Variants in HOXC4 observed in about 807,000 individuals in gnomAD.
HOXC4 encodes homeobox protein Hox-C4.
Under a neutral mutation model 25.5 loss-of-function variants are expected in HOXC4, and 15 were observed. That is an observed-to-expected ratio of 0.59 (90% CI 0.39 to 0.91). The LOEUF (loss-of-function observed/expected upper bound fraction) is 0.91, where lower values mean the gene tolerates loss of function less well. Ranked by LOEUF, HOXC4 falls within the 40% of genes least tolerant of loss-of-function variation. The pLI, the probability that HOXC4 is intolerant of heterozygous loss-of-function variation, is 0.00. For missense variants in HOXC4, 342 were observed against 352.4 expected, an observed-to-expected ratio of 0.97 and a Z score of 0.24; for synonymous variants, 165 against 148.0, an observed-to-expected ratio of 1.11 and a Z score of -0.83.
intron 1 of HOXC4, among the ~76,000 whole-genome samples, chr12:54,041,420 A>G (rs1190210897): frequency 6.6e-6 from 1 of 152,210 alleles, no homozygotes; most frequent in Non-Finnish European, 1.5e-5. Context: ...GCTAAGGGGC[A>G]GGAGTTCTGA....
chr12:54,023,235 G>A lies in HOXC4; in HGVS notation c.-124+5821G>A, dbSNP rs531472033. 7.2e-5 allele frequency among the ~76,000 whole-genome samples: 11 copies of A among 152,332 alleles called. No homozygotes were observed. The South Asian group carries it at 2.3e-3, about 32-fold the overall frequency. ...TTTTTTCCAGATGGAGCTGGAAGGG[G>A]GCTCAGGGCTGAGCGTGATGGGGTA... is the stretch of plus-strand genomic sequence containing the variant. On this transcript the variant is annotated intron_variant, in intron 1 of 3. Coordinates refer to the HOXC4 transcript ENST00000303406.
rs1417783972 is a variant in HOXC4 at position 54,054,263 on chromosome 12, C to T, written c.341C>T (p.Pro114Leu). The T allele has an allele frequency of 6.2e-7, 1 of 1,610,472 alleles. No individual in the cohort carries two copies. The highest frequency in any genetic ancestry group is 1.3e-5 in the African/African-American group (1 of 74,924). ...GCCTCCGCCTCCCCGTCCCCAGCCC[C>T]GCCAGCCTGCAGCCAGCCAGCCCCC... The part of the protein sequence containing the change: ...SGASASPSPA[P>L]PACSQPAPDH... Residue 114 changes from proline to leucine, a missense_variant, in exon 1 of 2, where the codon CCG becomes CTG. Pro to Leu is a moderately conservative substitution (Grantham distance 98). Transcript: ENST00000430889.
At chr12:54,039,232 G>C (rs1034943461) in intron 1 of HOXC4, among the ~76,000 whole-genome samples, 1 of 152,148 alleles carries the variant, frequency 6.6e-6, no homozygotes, top group Admixed American at 6.5e-5. Context: ...GGGGAGCAGC[G>C]GTGTCTGGGC....
chr12:54,030,007 C>G (rs1272554248), intron 1 of HOXC4: 3 of 1,437,268 alleles, frequency 2.1e-6, no homozygotes, highest in Non-Finnish European at 2.8e-6. Context: ...TCCCTCGCTC[C>G]CCACCAACTC....
Position 54,041,972 on chromosome 12 carries a change from C to A in HOXC4, c.-123-11188C>A, listed in dbSNP as rs899327550. On this transcript the variant is annotated intron_variant, in intron 1 of 3. Coordinates refer to the HOXC4 transcript ENST00000303406. The stretch of plus-strand genomic sequence containing the variant: ...ACCACCGCGCCCAGCCTTTTCTTTT[C>A]TTTTCTTTTTTTTTTTTTTTTTTGA... Among the ~76,000 whole-genome samples the A allele has an allele frequency of 1.6e-4, 21 of 133,638 alleles. No homozygotes were observed. In the East Asian group the frequency reaches 4.5e-3, roughly 29 times the overall value. The allele number at this position is 133,638 out of a possible 152,430, so 87.7% of individuals were successfully genotyped here. A position where few individuals can be genotyped will look rare whatever the true frequency, so the allele number is the denominator to read the frequency against.
intron 1 of HOXC4, among the ~76,000 whole-genome samples, chr12:54,025,541 G>C (rs200707782): frequency 8.9e-6 from 1 of 112,110 alleles, no homozygotes; most frequent in African/African-American, 3.1e-5. Context: ...GGGGGGGGAG[G>C]TGTTGAAAAT....
intron 1 of HOXC4, among the ~76,000 whole-genome samples, chr12:54,024,629 G>T (rs559588330): frequency 6.6e-6 from 1 of 152,164 alleles, no homozygotes; most frequent in Non-Finnish European, 1.5e-5. Flanking sequence ...GCAAGGTGAG[G>T]CCTGCCCACG....
At chr12:54,043,564 T>G (rs1483220768) in intron 1 of HOXC4, among the ~76,000 whole-genome samples, 2 of 152,150 alleles carry the variant, frequency 1.3e-5, no homozygotes, top group Non-Finnish European at 2.9e-5. Flanking sequence ...CAGCCCAGCT[T>G]GGAAACCATT....
intron 1 of HOXC4, among the ~76,000 whole-genome samples, chr12:54,026,131 G>A (rs1940687096): frequency 6.6e-6 from 1 of 152,088 alleles, no homozygotes; most frequent in Non-Finnish European, 1.5e-5. Context: ...TGGAGGGGGG[G>A]ACAGAGTTAC....
At position 54,047,445 on chromosome 12, in the gene HOXC4, C is replaced by G. The variant is rs1011665428; in HGVS notation, c.-123-5715C>G. Among the ~76,000 whole-genome samples, 3 of 152,206 alleles carry G rather than the reference C, an allele frequency of 2.0e-5. No individual in the cohort carries two copies. The South Asian group carries it at 6.2e-4, about 31-fold the overall frequency. On this transcript the variant is annotated intron_variant, in intron 1 of 3. Coordinates refer to the HOXC4 transcript ENST00000303406. The stretch of plus-strand genomic sequence containing the variant: ...GCCGAAGCCCGCCCCGGACCCAGGC[C>G]GCGAGGTGCGCGCCGGCCGCCGAGG...
chr12:54,054,383 T>TGGC, intron 1 of HOXC4, 22 bp downstream of exon 1: 4 of 1,468,110 alleles, frequency 2.7e-6, no homozygotes, highest in Non-Finnish European at 3.6e-6. Context: ...TGCTTTTTGC[T>TGGC]CCCCCCCTCC....
intron 1 of HOXC4, among the ~76,000 whole-genome samples, chr12:54,031,163 C>T (rs1940970885): frequency 6.6e-6 from 1 of 152,262 alleles, no homozygotes. Flanking sequence ...CCTCGGCGTC[C>T]GAACCCTGAG....
intron 1 of HOXC4, chr12:54,030,155 A>G (rs1940928087): frequency 1.8e-6 from 1 of 545,332 alleles, no homozygotes; most frequent in African/African-American, 1.9e-5. Context: ...CTCTTTCACC[A>G]CGCGCCTCCT....
At chr12:54,023,208 G>T (rs1797183349) in intron 1 of HOXC4, among the ~76,000 whole-genome samples, 1 of 152,178 alleles carries the variant, frequency 6.6e-6, no homozygotes, top group Non-Finnish European at 1.5e-5. Context: ...AGCCAGAAAT[G>T]ATTTTTTCCA....
intron 1 of HOXC4, chr12:54,033,453 C>A (rs763926170): frequency 1.3e-6 from 2 of 1,599,520 alleles, no homozygotes; most frequent in South Asian, 2.2e-5. Context: ...GCTGGAGGAG[C>A]GAGCTAAGAG....
intron 1 of HOXC4, among the ~76,000 whole-genome samples, chr12:54,044,686 G>C (rs903886763): frequency 1.3e-5 from 2 of 151,858 alleles, no homozygotes; most frequent in Non-Finnish European, 2.9e-5. Flanking sequence ...GGGTTTTTTT[G>C]TAATTAAGAT....
intron 1 of HOXC4, among the ~76,000 whole-genome samples, chr12:54,018,837 C>G (rs1029189606): frequency 7.9e-5 from 12 of 152,306 alleles, no homozygotes; most frequent in African/African-American, 2.9e-4. Context: ...AAGACACCCC[C>G]TCTACCCCCA....
At chr12:54,042,220 C>T (rs1286477133) in intron 1 of HOXC4, among the ~76,000 whole-genome samples, 2 of 152,146 alleles carry the variant, frequency 1.3e-5, no homozygotes, top group African/African-American at 2.4e-5. Flanking sequence ...TCAGATGATC[C>T]GCCTGCCTTT....
At chr12:54,045,309 T>C (rs1032256676) in intron 1 of HOXC4, among the ~76,000 whole-genome samples, 1 of 152,380 alleles carries the variant, frequency 6.6e-6, no homozygotes, top group East Asian at 1.9e-4. Context: ...TATAGATCCA[T>C]AGTGAACATA....
Sources: gnomAD v4.1 joint callset for allele counts (sites outside exome capture counted in the v4.1 genomes callset) on GRCh38, gnomAD v4.1.1 for gene constraint, MANE v1.5 for transcripts, NCBI Gene and HGNC (gene_info 2026-07-23, HGNC 2026-07-21) for gene names.